The following LTBP1 variants were observed in gnomAD, a reference collection of about 807,000 sequenced individuals.
LTBP1 encodes the protein latent transforming growth factor beta binding protein 1.
A neutral mutation model predicts 207.6 loss-of-function variants in LTBP1; 129 were observed. The observed-to-expected ratio is 0.62, with a 90% CI of 0.54 to 0.72. The LOEUF (loss-of-function observed/expected upper bound fraction) is 0.72. Among genes scored for constraint, LTBP1 ranks in the 30% least tolerant of loss-of-function variants. LTBP1 has a pLI of 0.00. For missense variants in LTBP1, 2,281 were observed against 2,217.2 expected (o/e 1.03, Z -0.58); for synonymous variants, 963 against 833.7 (o/e 1.16, Z -2.67).
intron 2 of LTBP1, among the ~76,000 whole-genome samples, chr2:32,968,915 G>GTTTTT (rs758748013): frequency 1.2e-5 from 1 of 86,250 alleles, no homozygotes; most frequent in Non-Finnish European, 2.5e-5. Flanking sequence ...GTGTGTGTGT[G>GTTTTT]TATTTTTTTT....
chr2:33,390,610 C>G (rs1270358434), intron 32 of LTBP1, among the ~76,000 whole-genome samples: 1 of 152,040 alleles, frequency 6.6e-6, no homozygotes, highest in Non-Finnish European at 1.5e-5. Flanking sequence ...ACCCCAGTCT[C>G]CCGAGAAGCT....
chr2:33,044,321 G>A (rs1254929125), intron 3 of LTBP1, among the ~76,000 whole-genome samples: 1 of 151,960 alleles, frequency 6.6e-6, no homozygotes, highest in African/African-American at 2.4e-5. Context: ...GTGTCCATGT[G>A]TTCTCATTGT....
chr2:32,960,995 A>G (rs573364520), intron 2 of LTBP1, among the ~76,000 whole-genome samples: 122 of 152,380 alleles, frequency 8.0e-4, no homozygotes, highest in Non-Finnish European at 1.6e-3. Flanking sequence ...CAACACAAGT[A>G]CTATAAAACA....
chr2:33,078,857 C>CTTTTTTTTTTTTTTTTT (rs879714056), intron 3 of LTBP1, among the ~76,000 whole-genome samples: 2 of 92,158 alleles, frequency 2.2e-5, no homozygotes, highest in African/African-American at 3.2e-5. Context: ...CTTTTCTTTT[C>CTTTTTTTTTTTTTTTTT]TTTTCTTTTT....
chr2:33,012,798 G>T (rs1354249733), intron 2 of LTBP1, among the ~76,000 whole-genome samples: 1 of 152,092 alleles, frequency 6.6e-6, no homozygotes, highest in Non-Finnish European at 1.5e-5. Flanking sequence ...CAATATATGT[G>T]CATAATAGTT....
intron 3 of LTBP1, among the ~76,000 whole-genome samples, chr2:33,100,223 G>A (rs2079640196): frequency 6.6e-6 from 1 of 152,206 alleles, no homozygotes; most frequent in Admixed American, 6.5e-5. Flanking sequence ...TGGTTCATGG[G>A]AACAGCTAAG....
chr2:33,267,544 A>G (rs1365454714), intron 15 of LTBP1, among the ~76,000 whole-genome samples: 1 of 152,238 alleles, frequency 6.6e-6, no homozygotes, highest in East Asian at 1.9e-4. Flanking sequence ...TTGTGCTGCA[A>G]AGTATACAAG....
intron 5 of LTBP1, among the ~76,000 whole-genome samples, chr2:33,140,728 C>T (rs1173621562): frequency 2.0e-5 from 3 of 149,948 alleles, no homozygotes; most frequent in African/African-American, 2.4e-5. Context: ...AGTGCAGTGC[C>T]GCCATCTCAG....
chr2:33,092,199 A>G (rs1010638179), intron 3 of LTBP1, among the ~76,000 whole-genome samples: 24 of 148,650 alleles, frequency 1.6e-4, no homozygotes, highest in African/African-American at 4.9e-4. Flanking sequence ...ACACACGCGC[A>G]CACACACACA....
intron 9 of LTBP1, among the ~76,000 whole-genome samples, chr2:33,230,895 TACTGTGG>T (rs2091747766): frequency 1.9e-5 from 1 of 51,286 alleles, no homozygotes; most frequent in African/African-American, 3.9e-5. Flanking sequence ...TTTTGGCACG[TACTGTGG>T]GCAATACCAC....
chr2:33,214,072 A>T (rs2090508655), intron 7 of LTBP1, among the ~76,000 whole-genome samples: 1 of 152,246 alleles, frequency 6.6e-6, no homozygotes, highest in African/African-American at 2.4e-5. Flanking sequence ...AAAATCAGCA[A>T]GTGTTGAGTG....
chr2:33,193,384 C>T (rs972895245), intron 7 of LTBP1, among the ~76,000 whole-genome samples: 3 of 152,144 alleles, frequency 2.0e-5, no homozygotes, highest in African/African-American at 7.2e-5. Flanking sequence ...TCAGGTGATC[C>T]ACCCGCCTTG....
At chr2:33,102,507 G>T (rs218217) in intron 3 of LTBP1, among the ~76,000 whole-genome samples, 1 of 152,034 alleles carries the variant, frequency 6.6e-6, no homozygotes, top group African/African-American at 2.4e-5. Context: ...ACTAAAAATC[G>T]CTTATTTTCT....
At chr2:33,309,982 T>A (rs2094158660) in intron 23 of LTBP1, among the ~76,000 whole-genome samples, 1 of 150,886 alleles carries the variant, frequency 6.6e-6, no homozygotes, top group Non-Finnish European at 1.5e-5. Flanking sequence ...AGTCTCGCTC[T>A]TGTCACCCAG....
chr2:33,021,105 TAAG>T lies in LTBP1; in HGVS notation c.766_768del (p.Lys256del), dbSNP rs766481133. The T allele has an allele frequency of 2.7e-5, 44 of 1,613,986 alleles. No homozygotes were observed. Among genetic ancestry groups the T allele is most frequent in the Non-Finnish European group, 3.6e-5 (42 of 1,180,010 alleles). On this transcript the variant is annotated inframe_deletion, in exon 3 of 34. Transcript: ENST00000404816. ...AGCAAGCAGCAAAGCATACTTCATCTAAGAAGGCAGACACTCTACCAAGAGTCA... is the reference window on the plus strand; with the variant it reads ...AGCAAGCAGCAAAGCATACTTCATCTAAGGCAGACACTCTACCAAGAGTCA...
At chr2:33,213,134 C>T (rs777501039) in intron 7 of LTBP1, among the ~76,000 whole-genome samples, 7 of 152,116 alleles carry the variant, frequency 4.6e-5, no homozygotes, top group Non-Finnish European at 8.8e-5. Context: ...AATCCTGGGA[C>T]AGCTGTGTAG....
intron 7 of LTBP1, among the ~76,000 whole-genome samples, chr2:33,215,723 G>GT (rs11381516): frequency 0.04 from 5,587 of 138,566 alleles, 239 homozygotes; most frequent in African/African-American, 0.083. Context: ...TTTGTTTTTT[G>GT]TTTTTTTTTT....
intron 24 of LTBP1, among the ~76,000 whole-genome samples, chr2:33,337,873 C>G (rs1174864308): frequency 6.6e-6 from 1 of 152,212 alleles, no homozygotes; most frequent in Non-Finnish European, 1.5e-5. Flanking sequence ...GACTTCTACT[C>G]TAATGTAATA....
Position 33,001,371 on chromosome 2 carries a change from A to C in LTBP1, c.566-19538A>C, listed in dbSNP as rs1293821015. 1.5e-5 allele frequency among the ~76,000 whole-genome samples: 2 copies of C among 135,190 alleles called. 1 individual carries two copies. The highest frequency in any genetic ancestry group is 1.5e-4 in the Admixed American group (2 of 13,198). 88.7% of individuals were successfully genotyped at this position (135,190 alleles called of 152,430 possible). On this transcript the variant is annotated intron_variant, in intron 2 of 33. Coordinates refer to ENST00000404816, the MANE Select transcript of LTBP1 (RefSeq NM_206943.4). ...CCCCAAACCCAGAGTTTCTGATTCC[A>C]TGGGTCTGAGGTGGGACGTGAGAAC...
Sources: gnomAD v4.1 joint callset for allele counts (sites outside exome capture counted in the v4.1 genomes callset) on GRCh38, gnomAD v4.1.1 for gene constraint, MANE v1.5 for transcripts, NCBI Gene and HGNC (gene_info 2026-07-23, HGNC 2026-07-21) for gene names.